TXNRD3: variants seen among roughly 807,000 people sequenced by gnomAD.
TXNRD3 encodes TXNRD3 neighbor gene protein.
TXNRD3 carries 68 observed loss-of-function variants against 78.2 expected under a neutral mutation model. That is an observed-to-expected ratio of 0.87 (90% confidence interval 0.72 to 1.06). TXNRD3 has a LOEUF of 1.06. Among genes scored for constraint, TXNRD3 ranks in the 50% least tolerant of loss-of-function variants. TXNRD3 has a pLI of 0.00. For synonymous variants in TXNRD3, 296 were observed against 300.1 expected (o/e 0.99, Z 0.14); for missense variants, 751 against 809.5 (o/e 0.93, Z 0.88).
chr3:126,629,280 TA>T, intron 10 of TXNRD3, 98 bp downstream of exon 10: 4 of 906,742 alleles, frequency 4.4e-6, no homozygotes, highest in Non-Finnish European at 6.5e-6. Flanking sequence ...ATAAAAAAAG[TA>T]AAAAAATGTT....
chr3:126,648,168 G>T (rs1303347438), intron 1 of TXNRD3, among the ~76,000 whole-genome samples: 2 of 152,142 alleles, frequency 1.3e-5, no homozygotes, highest in African/African-American at 4.8e-5. Context: ...ACTTAACCAA[G>T]AAAGCAAAAG....
rs574456777 is a variant in TXNRD3 at position 126,610,387 on chromosome 3, C to A, written c.1728+650G>T. ...TCTACATTCAGAATTCTTTATAAAG[C>A]AAATTATAAACAAACTGTGCTTTAA... On this transcript the variant is annotated intron_variant, in intron 14 of 15. Transcript: ENST00000524230. Among the ~76,000 whole-genome samples, 247 of 152,262 alleles carry A rather than the reference C, an allele frequency of 1.6e-3. 3 individuals carry two copies. The highest frequency in any genetic ancestry group is 5.8e-3 in the African/African-American group (240 of 41,556).
At chr3:126,652,875 A>G (rs1933422316) in intron 1 of TXNRD3, among the ~76,000 whole-genome samples, 1 of 152,260 alleles carries the variant, frequency 6.6e-6, no homozygotes, top group South Asian at 2.1e-4. Flanking sequence ...AATCATATAG[A>G]TGCAAACAAT....
chr3:126,608,441 T>C lies in TXNRD3; in HGVS notation c.1863+58A>G, dbSNP rs1938110875. ...TGACATCTTTCTGACAAGTGCTTTA[T>C]AATAGTTTTTCAAACTACATCAACT... On this transcript the variant is annotated intron_variant, in intron 15 of 15. Transcript: ENST00000524230. The C allele has an allele frequency of 2.1e-6, 3 of 1,461,166 alleles. No individual in the cohort carries two copies. The South Asian group carries it at 4.2e-5, about 20-fold the overall frequency. The allele number at this position is 1,461,166 out of a possible 1,614,324, so 90.5% of individuals were successfully genotyped here. A position where few individuals can be genotyped will look rare whatever the true frequency, so the allele number is the denominator to read the frequency against.
intron 6 of TXNRD3, among the ~76,000 whole-genome samples, chr3:126,637,039 A>G (rs536355403): frequency 1.3e-4 from 20 of 152,164 alleles, no homozygotes; most frequent in African/African-American, 4.6e-4. Context: ...CCCCTGGTTT[A>G]AATTATACAG....
At chr3:126,631,721 C>A in intron 8 of TXNRD3, 43 bp downstream of exon 8, 1 of 1,204,350 alleles carries the variant, frequency 8.3e-7, no homozygotes, top group Non-Finnish European at 1.2e-6. Context: ...CAATATAATT[C>A]AATTTATTAA....
chr3:126,648,347 T>C (rs1306805824), intron 1 of TXNRD3, among the ~76,000 whole-genome samples: 1 of 128,332 alleles, frequency 7.8e-6, no homozygotes, highest in Non-Finnish European at 1.7e-5. Flanking sequence ...CCCAATGATC[T>C]TTTTTTGCAG....
chr3:126,608,410 C>T, intron 15 of TXNRD3, 89 bp downstream of exon 15: 3 of 1,277,330 alleles, frequency 2.3e-6, no homozygotes, highest in Non-Finnish European at 3.1e-6. Flanking sequence ...AAATCAGTTA[C>T]TAATATGACA....
At chr3:126,640,740 C>G (rs1472251101) in intron 6 of TXNRD3, among the ~76,000 whole-genome samples, 1 of 152,162 alleles carries the variant, frequency 6.6e-6, no homozygotes, top group Non-Finnish European at 1.5e-5. Flanking sequence ...TTCAACCAGA[C>G]TTCAGTCTTT....
intron 14 of TXNRD3, among the ~76,000 whole-genome samples, chr3:126,610,361 T>C (rs532361982): frequency 1.3e-5 from 2 of 152,212 alleles, no homozygotes; most frequent in Non-Finnish European, 2.9e-5. Context: ...TAACACTGCT[T>C]TCTACATTCA....
intron 13 of TXNRD3, among the ~76,000 whole-genome samples, chr3:126,614,465 C>T (rs1007548858): frequency 1.3e-5 from 2 of 152,068 alleles, no homozygotes; most frequent in Non-Finnish European, 2.9e-5. Context: ...TCCATAATTA[C>T]TATCATCAAT....
chr3:126,644,595 C>T (rs777234), intron 3 of TXNRD3, among the ~76,000 whole-genome samples, 194 bp from the exon 4 acceptor site: 118,562 of 152,156 alleles, frequency 0.78, 47,403 homozygotes, highest in Non-Finnish European at 0.88. Context: ...GAACTTATAC[C>T]AAAGTACATA....
At chr3:126,612,899 C>G (rs1938230937) in intron 13 of TXNRD3, among the ~76,000 whole-genome samples, 1 of 152,188 alleles carries the variant, frequency 6.6e-6, no homozygotes, top group Non-Finnish European at 1.5e-5. Context: ...TAAAATATGA[C>G]CTTATCACAT....
At chr3:126,622,686 AAT>A (rs1938486150) in intron 10 of TXNRD3, 146 bp from the exon 11 acceptor site, 1 of 631,760 alleles carries the variant, frequency 1.6e-6, no homozygotes, top group Non-Finnish European at 2.6e-6. Flanking sequence ...CTTAAGGTGA[AAT>A]AGATTCCTTA....
intron 6 of TXNRD3, among the ~76,000 whole-genome samples, chr3:126,637,754 C>T (rs1325211970): frequency 6.6e-6 from 1 of 151,750 alleles, no homozygotes; most frequent in Non-Finnish European, 1.5e-5. Context: ...TTTTCTGTTG[C>T]TATTTTTGTT....
chr3:126,633,764 AAC>A, intron 7 of TXNRD3, 143 bp downstream of exon 7: 15 of 472,408 alleles, frequency 3.2e-5, no homozygotes, highest in Non-Finnish European at 4.5e-5. Context: ...ATAGGGGAGA[AAC>A]ACACACACAT....
chr3:126,630,902 T>A lies in TXNRD3; in HGVS notation c.1007A>T (p.Lys336Ile). Residue 336 changes from lysine (K) to isoleucine (I), a missense_variant, in exon 9 of 16, where the codon AAA becomes ATA. By Grantham distance (102) the Lys-to-Ile change is moderately radical (BLOSUM62 -3). Transcript: ENST00000524230. Reference sequence around the variant, plus strand: ...ATAAGAGGCACCCACCACTAATGTTTTGCCAGGGCAATAAGGCAGAGAAAA... The same window carrying A: ...ATAAGAGGCACCCACCACTAATGTTATGCCAGGGCAATAAGGCAGAGAAAA... 1 of 1,536,070 alleles carries A rather than the reference T, an allele frequency of 6.5e-7. No homozygotes were observed. The highest frequency in any genetic ancestry group is 8.7e-7 in the Non-Finnish European group (1 of 1,146,868).
In TXNRD3 at chr3:126,615,384, T is replaced by C; in HGVS notation, c.1603A>G (p.Ile535Val). 2.6e-6 allele frequency: 4 copies of C among 1,512,594 alleles called. No homozygotes were observed. The highest frequency in any genetic ancestry group is 1.8e-6 in the Non-Finnish European group (2 of 1,135,032). 93.7% of individuals were successfully genotyped at this position (1,512,594 alleles called of 1,614,324 possible). A position where few individuals can be genotyped will look rare whatever the true frequency, so the allele number is the denominator to read the frequency against. The change falls in exon 13 of 16, where the codon ATT (isoleucine) becomes GTT (valine). Residue 535 changes from isoleucine to valine, a missense_variant. By Grantham distance (29) the Ile-to-Val change is conservative (BLOSUM62 3). Transcript: ENST00000524230. ...AGATTCTCTTTTTTATATACTTCAATAGCTTTCTCTTCAGATAATCCACAG... is the reference window on the plus strand; with the variant it reads ...AGATTCTCTTTTTTATATACTTCAACAGCTTTCTCTTCAGATAATCCACAG...
At chr3:126,621,627 TTA>T (rs760883669) in intron 12 of TXNRD3, 113 bp downstream of exon 12, 16 of 1,027,350 alleles carry the variant, frequency 1.6e-5, no homozygotes, top group African/African-American at 3.2e-5. Flanking sequence ...CTACTGCAAA[TTA>T]TATCTCTGAG....
Sources: allele counts gnomAD v4.1 joint callset (sites outside exome capture counted in the v4.1 genomes callset), GRCh38; gene constraint gnomAD v4.1.1; transcripts MANE v1.5; gene names NCBI Gene and HGNC (gene_info 2026-07-23, HGNC 2026-07-21).